KCNG4: variants seen among roughly 807,000 people sequenced by gnomAD.
KCNG4 encodes the protein potassium voltage-gated channel modifier subfamily G member 4.
In KCNG4, 30 loss-of-function variants were observed where a neutral mutation model predicts 28.2. The observed-to-expected ratio is 1.06, with a 90% CI of 0.80 to 1.44. The LOEUF is 1.44. KCNG4 is among the 40% of genes most tolerant of loss of function. The probability of loss-of-function intolerance (pLI) is 0.00; values close to 1 mark genes in which losing one functional copy is unlikely to be tolerated. For synonymous variants in KCNG4, 375 were observed against 315.5 expected (o/e 1.19, Z -2.00); for missense variants, 879 against 712.3 (o/e 1.23, Z -2.66).
chr16:84,222,211 G>A lies in KCNG4; in HGVS notation c.*6C>T, dbSNP rs1428457547. ...AGGTTACCATGTAGTCATGGGGGGTGCTGAGTTACATGTGCATGATAGGCA... is the reference window on the plus strand; with the variant it reads ...AGGTTACCATGTAGTCATGGGGGGTACTGAGTTACATGTGCATGATAGGCA... On this transcript the variant is annotated 3_prime_UTR_variant, in exon 3 of 3. Transcript: ENST00000308251. 6.2e-7 allele frequency: 1 copy of A among 1,613,366 alleles called. No homozygotes were observed. The highest frequency in any genetic ancestry group is 8.5e-7 in the Non-Finnish European group (1 of 1,179,650).
chr16:84,225,024 A>G (rs2151336539), intron 2 of KCNG4, among the ~76,000 whole-genome samples: 1 of 152,198 alleles, frequency 6.6e-6, no homozygotes, highest in Admixed American at 6.5e-5. Context: ...GTCATGATGA[A>G]TGGAAATTAT....
intron 2 of KCNG4, among the ~76,000 whole-genome samples, chr16:84,224,409 C>CACACACACACATACAT (rs371675220): frequency 9.2e-6 from 1 of 108,696 alleles, no homozygotes; most frequent in African/African-American, 3.1e-5. Context: ...TATTTACACA[C>CACACACACACATACAT]ACACACACAC....
At chr16:84,223,476 C>T (rs1402337741) in intron 2 of KCNG4, among the ~76,000 whole-genome samples, 1 of 152,168 alleles carries the variant, frequency 6.6e-6, no homozygotes, top group African/African-American at 2.4e-5. Context: ...GGGACTATTG[C>T]ACAAGAGAAA....
rs1567624639 is a variant in KCNG4 at position 84,226,553 on chromosome 16, T to G, written c.757-3533A>C. ...ACAAATGATTATAAGTGATCTGAGG[T>G]GGAGAGGGGATGGAAAGAGAGGAAA... is the stretch of plus-strand genomic sequence containing the variant. On this transcript the variant is annotated intron_variant, in intron 2 of 2. Transcript: ENST00000308251. This position sits in a 1 kb window ranked among gnomAD's most constrained non-coding sequence, Gnocchi z 4.1. Among the ~76,000 whole-genome samples, 1 of 151,682 alleles carries G rather than the reference T, an allele frequency of 6.6e-6. No homozygotes were observed. Among genetic ancestry groups the G allele is most frequent in the African/African-American group, 2.4e-5 (1 of 41,266 alleles).
chr16:84,222,530 A>G lies in KCNG4; in HGVS notation c.1247T>C (p.Met416Thr). The change falls in exon 3 of 3, where the codon ATG (methionine) becomes ACG (threonine). Residue 416 changes from methionine to threonine, a missense_variant. Transcript: ENST00000308251. The part of the protein sequence containing the change: ...PASYWWAIIS[M>T]TTVGYGDMVP... ...CATGTCCCCGTAGCCCACCGTTGTC[A>G]TGGAGATGATGGCCCACCAATAGGA... The G allele has an allele frequency of 6.2e-7, 1 of 1,613,544 alleles. No homozygotes were observed. Among genetic ancestry groups the G allele is most frequent in the Non-Finnish European group, 8.5e-7 (1 of 1,179,900 alleles).
intron 2 of KCNG4, among the ~76,000 whole-genome samples, chr16:84,231,678 C>T (rs957288287): frequency 4.5e-4 from 69 of 152,226 alleles, no homozygotes; most frequent in African/African-American, 1.2e-3. Flanking sequence ...CAGGGGTAGA[C>T]GTGACCTGCC....
Position 84,237,438 on chromosome 16 carries a change from G to T in KCNG4, c.48C>A (p.His16Gln). Residue 16 changes from histidine (H) to glutamine (Q), a missense_variant, in exon 2 of 3, where the codon CAC becomes CAA. Transcript: ENST00000308251. ...GACTCCAAGGGCTGTGGGAACCATA[G>T]TGGTGGTGTCTGGGATGCAGGCCCC... ...RDGGLHPRHH[H>Q]YGSHSPWSQL... 1.3e-6 allele frequency: 2 copies of T among 1,510,924 alleles called. No homozygotes were observed. Among genetic ancestry groups the T allele is most frequent in the Non-Finnish European group, 1.8e-6 (2 of 1,130,722 alleles). 93.6% of individuals were successfully genotyped at this position (1,510,924 alleles called of 1,614,324 possible).
chr16:84,231,785 C>G (rs1485633384), intron 2 of KCNG4, among the ~76,000 whole-genome samples: 1 of 152,020 alleles, frequency 6.6e-6, no homozygotes, highest in Non-Finnish European at 1.5e-5. Flanking sequence ...GGGCGGATCA[C>G]CTGAGGTCAG....
intron 2 of KCNG4, among the ~76,000 whole-genome samples, chr16:84,230,260 CT>C (rs1260301608): frequency 2.0e-5 from 3 of 152,094 alleles, no homozygotes. Flanking sequence ...CAAAAATTAG[CT>C]GGGCATGGTG....
In KCNG4 at chr16:84,233,370, T is replaced by C. The variant is rs573994175; in HGVS notation, c.756+3360A>G. Among the ~76,000 whole-genome samples, 3 of 152,242 alleles carry C rather than the reference T, an allele frequency of 2.0e-5. No individual in the cohort carries two copies. The South Asian group carries it at 6.2e-4, about 32-fold the overall frequency. The stretch of plus-strand genomic sequence containing the variant: ...CTGCCTTAGAAGCACAAAATGGCCC[T>C]GAGGCTGAGGTTCTAGACTAGAGGC... On this transcript the variant is annotated intron_variant, in intron 2 of 2. Transcript: ENST00000308251.
At chr16:84,233,529 C>A (rs1319285337) in intron 2 of KCNG4, among the ~76,000 whole-genome samples, 1 of 152,028 alleles carries the variant, frequency 6.6e-6, no homozygotes. Flanking sequence ...ATGGGGAAAC[C>A]CTGTCTTTAC....
rs753151985 is a variant in KCNG4 at position 84,221,792 on chromosome 16, A to G, written c.*425T>C. On this transcript the variant is annotated 3_prime_UTR_variant, in exon 3 of 3. Coordinates refer to ENST00000308251, the MANE Select transcript of KCNG4 (RefSeq NM_172347.3). ...TGCAGTGACTGGACCTTTGATTTCC[A>G]GTGGTGGCATGGCCCAGGAAGGAGG... 3.3e-5 allele frequency: 6 copies of G among 180,904 alleles called. No individual in the cohort carries two copies. The highest frequency in any genetic ancestry group is 5.9e-5 in the Non-Finnish European group (5 of 85,162). The allele number at this position is 180,904 out of a possible 1,614,324, so 11.2% of individuals were successfully genotyped here.
intron 2 of KCNG4, among the ~76,000 whole-genome samples, chr16:84,230,621 T>A (rs1388128287): frequency 6.6e-6 from 1 of 152,100 alleles, no homozygotes; most frequent in East Asian, 1.9e-4. Context: ...TCCCCTGCCC[T>A]CCACCTTAGT....
intron 1 of KCNG4, among the ~76,000 whole-genome samples, chr16:84,238,602 G>A (rs1388889922): frequency 1.3e-5 from 2 of 152,224 alleles, no homozygotes; most frequent in Non-Finnish European, 2.9e-5. Context: ...TCCAGCCGCA[G>A]TGGTTCATGC....
rs1302309212 is a variant in KCNG4, at chr16:84,218,765, G to T, written c.*3452C>A. On this transcript the variant is annotated 3_prime_UTR_variant, in exon 3 of 3. Coordinates refer to ENST00000308251, the MANE Select transcript of KCNG4 (RefSeq NM_172347.3). ...ATTTAGCAGAGAATCTCAACTGGGT[G>T]AACATTAAGACACTATAGAATCTCA... 5 of 152,214 alleles carry T rather than the reference G, an allele frequency of 3.3e-5. No individual in the cohort carries two copies. Among genetic ancestry groups the T allele is most frequent in the Non-Finnish European group, 7.3e-5 (5 of 68,036 alleles). 9.4% of individuals were successfully genotyped at this position (152,214 alleles called of 1,614,324 possible). A position where few individuals can be genotyped will look rare whatever the true frequency, so the allele number is the denominator to read the frequency against.
rs752486847 is a variant in KCNG4 at position 84,236,944 on chromosome 16, T to C, written c.542A>G (p.Glu181Gly). Residue 181 changes from glutamate to glycine, a missense_variant, in exon 2 of 3, where the codon GAG (glutamate) becomes GGG (glycine). Physicochemically the swap from Glu to Gly is moderately conservative, Grantham distance 98. Transcript: ENST00000308251. ...CTCCCTCTGCTGCCTCAGTACGTCCTCCCTGTGCAGCTTGGCCAGCTCCTC... is the reference window on the plus strand; with the variant it reads ...CTCCCTCTGCTGCCTCAGTACGTCCCCCCTGTGCAGCTTGGCCAGCTCCTC... ...ELEELAKLHREDVLRQQRETR... is the reference protein window; with the variant it reads ...ELEELAKLHRGDVLRQQRETR... 2.7e-5 allele frequency: 43 copies of C among 1,613,210 alleles called. No homozygotes were observed. Among genetic ancestry groups the C allele is most frequent in the Non-Finnish European group, 3.4e-6 (4 of 1,179,948 alleles).
In KCNG4 at chr16:84,226,980, T is replaced by C. The variant is rs757364073; in HGVS notation, c.757-3960A>G. 1.3e-5 allele frequency among the ~76,000 whole-genome samples: 2 copies of C among 152,038 alleles called. No individual in the cohort carries two copies. The highest frequency in any genetic ancestry group is 2.9e-5 in the Non-Finnish European group (2 of 68,002). On this transcript the variant is annotated intron_variant, in intron 2 of 2. Coordinates refer to ENST00000308251, the MANE Select transcript of KCNG4 (RefSeq NM_172347.3). The surrounding 1 kb of genome is among the most constrained non-coding windows in gnomAD (Gnocchi z 4.1). ...AGTTCCTTATATTATTCTATTTACCTTGTAAATGTCTGAAGTTCTCCATGA... is the reference window on the plus strand; with the variant it reads ...AGTTCCTTATATTATTCTATTTACCCTGTAAATGTCTGAAGTTCTCCATGA...
chr16:84,222,612 C>A lies in KCNG4; in HGVS notation c.1165G>T (p.Val389Phe). ...AVAITLFSPL[V>F]YVAEKESGRV... ...CCGGACTCCTTCTCGGCCACGTAGA[C>A]CAAAGGGGAGAAGAGGGTGATGGCC... The change falls in exon 3 of 3, where the codon GTC (valine) becomes TTC (phenylalanine). Residue 389 changes from valine to phenylalanine, a missense_variant. Transcript: ENST00000308251. 6.2e-7 allele frequency: 1 copy of A among 1,613,318 alleles called. No homozygotes were observed. Among genetic ancestry groups the A allele is most frequent in the African/African-American group, 1.3e-5 (1 of 75,058 alleles).
rs113215329 is a variant in KCNG4 at position 84,222,424 on chromosome 16, C to G, written c.1353G>C (p.Thr451=). 32 of 1,614,150 alleles carry G rather than the reference C, an allele frequency of 2.0e-5. No homozygotes were observed. The African/African-American group carries it at 4.1e-4, about 21-fold the overall frequency. Residue 451 remains threonine, a synonymous_variant, in exon 3 of 3, where the codon ACG becomes ACC. Coordinates refer to ENST00000308251, the MANE Select transcript of KCNG4 (RefSeq NM_172347.3). The stretch of plus-strand genomic sequence containing the variant: ...AGTGGGAGAAGGTGTGGAAGATAGA[C>G]GTGGCCGGGAAGGCCATGATGAGGA... ...SGILIMAFPA[T]SIFHTFSHSY... is the part of the protein sequence containing the mutation.
Sources: gnomAD v4.1 joint callset for allele counts (sites outside exome capture counted in the v4.1 genomes callset) on GRCh38, gnomAD v4.1.1 for gene constraint, Gnocchi (gnomAD v3.1) non-coding constraint, MANE v1.5 for transcripts, NCBI Gene and HGNC (gene_info 2026-07-23, HGNC 2026-07-21) for gene names.